The following GLT1D1 variants were observed in gnomAD, a reference collection of about 807,000 sequenced individuals.
The protein encoded by GLT1D1 is glycosyltransferase 1 domain-containing protein 1.
A neutral mutation model predicts 28.7 loss-of-function variants in GLT1D1; 21 were observed. The ratio of observed to expected loss-of-function variants is 0.73; its 90% CI spans 0.52 to 1.05. The LOEUF (loss-of-function observed/expected upper bound fraction) is 1.05, where lower values mean the gene tolerates loss of function less well. GLT1D1 is among the 50% of genes least tolerant of loss of function. The probability of loss-of-function intolerance (pLI) is 0.00; values close to 1 mark genes in which losing one functional copy is unlikely to be tolerated. For missense variants in GLT1D1, 343 were observed against 330.6 expected (o/e 1.04, Z -0.29); for synonymous variants, 147 against 124.8 (o/e 1.18, Z -1.19).
chr12:128,875,646 A>C (rs1463659339), intron 1 of GLT1D1, among the ~76,000 whole-genome samples: 1 of 152,146 alleles, frequency 6.6e-6, no homozygotes, highest in Non-Finnish European at 1.5e-5. Context: ...AAAATACAAA[A>C]AATTAGCCAG....
chr12:128,920,063 A>G (rs1872531241), intron 4 of GLT1D1, among the ~76,000 whole-genome samples: 1 of 150,248 alleles, frequency 6.7e-6, no homozygotes, highest in East Asian at 1.9e-4. Context: ...AAATTTGCCT[A>G]ACTCAGATTG....
chr12:128,855,964 C>T (rs1241630872), intron 1 of GLT1D1, among the ~76,000 whole-genome samples: 2 of 152,042 alleles, frequency 1.3e-5, no homozygotes, highest in Non-Finnish European at 2.9e-5. Flanking sequence ...GTTGGCCAGG[C>T]TGGTCTCGAA....
At chr12:128,934,542 T>C (rs1874338266) in intron 4 of GLT1D1, among the ~76,000 whole-genome samples, 1 of 152,130 alleles carries the variant, frequency 6.6e-6, no homozygotes, top group African/African-American at 2.4e-5. Context: ...ATGCAGTGTT[T>C]CCCTCTTGTC....
At chr12:128,913,170 C>A (rs149538776) in intron 4 of GLT1D1, among the ~76,000 whole-genome samples, 2 of 152,264 alleles carry the variant, frequency 1.3e-5, no homozygotes, top group African/African-American at 4.8e-5. Flanking sequence ...AATTCTGCCC[C>A]TATGGTGGCA....
chr12:128,910,724 G>A (rs1400257229), intron 4 of GLT1D1, among the ~76,000 whole-genome samples: 4 of 150,896 alleles, frequency 2.7e-5, no homozygotes, highest in African/African-American at 9.8e-5. Context: ...TTTTTAACTG[G>A]TAGAGAAGAG....
At chr12:128,897,730 A>G (rs374551094) in intron 3 of GLT1D1, among the ~76,000 whole-genome samples, 63 of 152,004 alleles carry the variant, frequency 4.1e-4, no homozygotes, top group African/African-American at 1.4e-3. Flanking sequence ...GTGCAGTGGC[A>G]CGATCTCGGC....
At chr12:128,930,639 G>T (rs572226665) in intron 4 of GLT1D1, among the ~76,000 whole-genome samples, 1 of 152,244 alleles carries the variant, frequency 6.6e-6, no homozygotes, top group African/African-American at 2.4e-5. Context: ...TCATCTGGTC[G>T]CAATGTCTGG....
intron 4 of GLT1D1, among the ~76,000 whole-genome samples, chr12:128,939,805 C>A: frequency 6.7e-6 from 1 of 148,484 alleles, no homozygotes; most frequent in South Asian, 2.1e-4. Flanking sequence ...CATCGCGAGA[C>A]AACACTGGGG....
intron 1 of GLT1D1, among the ~76,000 whole-genome samples, chr12:128,868,111 G>T (rs1956592759): frequency 6.6e-6 from 1 of 152,204 alleles, no homozygotes; most frequent in South Asian, 2.1e-4. Context: ...GCCTCCTCAG[G>T]GTGGTTTTCC....
intron 4 of GLT1D1, among the ~76,000 whole-genome samples, chr12:128,941,664 C>T (rs576922516): frequency 6.6e-6 from 1 of 151,194 alleles, no homozygotes; most frequent in East Asian, 2.0e-4. Flanking sequence ...CCTCCGCACC[C>T]CGGGTTCAAG....
At chr12:128,917,948 C>T (rs1872270682) in intron 4 of GLT1D1, among the ~76,000 whole-genome samples, 1 of 152,172 alleles carries the variant, frequency 6.6e-6, no homozygotes, top group Non-Finnish European at 1.5e-5. Context: ...CCCAGCAATC[C>T]CATTACTGGG....
intron 7 of GLT1D1, among the ~76,000 whole-genome samples, chr12:128,975,698 C>T (rs764408254): frequency 4.7e-4 from 71 of 152,164 alleles, no homozygotes; most frequent in Non-Finnish European, 8.7e-4. Flanking sequence ...GTGATCCACC[C>T]GCCTTGGGCT....
At position 128,881,534 on chromosome 12, in the gene GLT1D1, GAAAAAAAAAAAAAAA is replaced by G. The variant is rs1161429342; in HGVS notation, c.217+5486_217+5500del. On this transcript the variant is annotated intron_variant, in intron 2 of 7. Coordinates refer to ENST00000281703, the MANE Select transcript of GLT1D1 (RefSeq NM_144669.3). ...GGGCAACAGAGTGAGACTCTGTATC[GAAAAAAAAAAAAAAA>G]AAAAAAAAAAAAATATATATATATA... 1.7e-4 allele frequency among the ~76,000 whole-genome samples: 4 copies of G among 23,916 alleles called. 1 individual carries two copies. Among genetic ancestry groups the G allele is most frequent in the South Asian group, 1.0e-3 (1 of 964 alleles). The allele number at this position is 23,916 out of a possible 152,430, so 15.7% of individuals were successfully genotyped here. A position where few individuals can be genotyped will look rare whatever the true frequency, so the allele number is the denominator to read the frequency against.
At chr12:128,870,132 A>G (rs1956645776) in intron 1 of GLT1D1, among the ~76,000 whole-genome samples, 3 of 151,960 alleles carry the variant, frequency 2.0e-5, no homozygotes, top group Admixed American at 2.0e-4. Flanking sequence ...GCTGGTCTCA[A>G]ACTCCTGACC....
At chr12:128,962,939 A>G (rs1206643314) in intron 7 of GLT1D1, among the ~76,000 whole-genome samples, 5 of 152,084 alleles carry the variant, frequency 3.3e-5, no homozygotes, top group African/African-American at 1.2e-4. Context: ...TGATCTTGTG[A>G]TCTGCCTGCC....
intron 6 of GLT1D1, among the ~76,000 whole-genome samples, chr12:128,955,510 G>A (rs470894): frequency 0.31 from 30,577 of 97,764 alleles, 3,929 homozygotes; most frequent in African/African-American, 0.44. Flanking sequence ...TAATTCCCTC[G>A]GTGTTGTATT....
At chr12:128,967,227 T>C (rs911304303) in intron 7 of GLT1D1, among the ~76,000 whole-genome samples, 1 of 151,608 alleles carries the variant, frequency 6.6e-6, no homozygotes, top group Non-Finnish European at 1.5e-5. Flanking sequence ...GCCATAGTGT[T>C]CTATGTGACT....
chr12:128,953,351 T>C (rs937355057), intron 6 of GLT1D1, among the ~76,000 whole-genome samples: 5 of 151,984 alleles, frequency 3.3e-5, no homozygotes, highest in African/African-American at 7.2e-5. Context: ...TATTATTTTA[T>C]TTTTTTGTAG....
At chr12:128,942,900 C>A (rs1875513477) in intron 4 of GLT1D1, among the ~76,000 whole-genome samples, 1 of 151,974 alleles carries the variant, frequency 6.6e-6, no homozygotes, top group African/African-American at 2.4e-5. Context: ...ACAGGCGCGC[C>A]ATCCAGCCCG....
Sources: gnomAD v4.1 joint callset for allele counts (sites outside exome capture counted in the v4.1 genomes callset) on GRCh38, gnomAD v4.1.1 for gene constraint, MANE v1.5 for transcripts, NCBI Gene and HGNC (gene_info 2026-07-23, HGNC 2026-07-21) for gene names.